Variants in KLF12 observed in about 807,000 individuals in gnomAD.
KLF12 encodes the protein Krueppel-like factor 12.
In KLF12, 9 loss-of-function variants were observed where a neutral mutation model predicts 37.8. The ratio of observed to expected loss-of-function variants is 0.24; its 90% CI spans 0.14 to 0.42. The LOEUF (loss-of-function observed/expected upper bound fraction) is 0.42. Ranked by LOEUF, KLF12 falls within the 10% of genes least tolerant of loss-of-function variation. KLF12 has a pLI of 1.00. For missense variants in KLF12, 411 were observed against 516.0 expected (o/e 0.80, Z 1.97); for synonymous variants, 208 against 202.1 (o/e 1.03, Z -0.25).
rs66701744 is a variant in KLF12, at chr13:73,731,536, C to CAA, written c.870-16013_870-16012dup. On this transcript the variant is annotated intron_variant, in intron 6 of 7. Transcript: ENST00000377669. ...CGGGTCCATGGTAGAGGAAATTAGA[C>CAA]AAAAAAAAAAAAAAAAAGCATAGTT... Among the ~76,000 whole-genome samples, 270 of 103,528 alleles carry CAA rather than the reference C, an allele frequency of 2.6e-3. 23 individuals are homozygous for CAA. Among genetic ancestry groups the CAA allele is most frequent in the African/African-American group, 9.5e-3 (255 of 26,730 alleles). The allele number at this position is 103,528 out of a possible 152,430, so 67.9% of individuals were successfully genotyped here.
At chr13:73,787,677 A>T (rs1030463188) in intron 5 of KLF12, among the ~76,000 whole-genome samples, 3 of 152,116 alleles carry the variant, frequency 2.0e-5, no homozygotes, top group Non-Finnish European at 4.4e-5. Flanking sequence ...GGGGATTGGA[A>T]CTCAAGCATT....
chr13:74,063,070 C>A (rs958141372), intron 1 of KLF12, among the ~76,000 whole-genome samples: 1 of 152,196 alleles, frequency 6.6e-6, no homozygotes, highest in Non-Finnish European at 1.5e-5. Context: ...TCTCTCCGAG[C>A]TTCCTCTGTG....
chr13:73,865,260 A>G (rs900882177), intron 3 of KLF12, among the ~76,000 whole-genome samples: 1 of 152,092 alleles, frequency 6.6e-6, no homozygotes, highest in Non-Finnish European at 1.5e-5. Flanking sequence ...CTTTTTCATG[A>G]GGAGCTTTAT....
intron 1 of KLF12, among the ~76,000 whole-genome samples, chr13:74,117,036 A>C (rs1458000413): frequency 6.6e-6 from 1 of 152,222 alleles, no homozygotes; most frequent in Non-Finnish European, 1.5e-5. Flanking sequence ...AAAATAATGT[A>C]ATAATTTCAA....
At chr13:73,891,787 A>T (rs1246339688) in intron 3 of KLF12, among the ~76,000 whole-genome samples, 1 of 152,112 alleles carries the variant, frequency 6.6e-6, no homozygotes, top group African/African-American at 2.4e-5. Context: ...CAGTTTTCCT[A>T]TAACTTTTAT....
intron 1 of KLF12, among the ~76,000 whole-genome samples, chr13:74,077,484 G>T (rs548512836): frequency 6.6e-6 from 1 of 152,182 alleles, no homozygotes; most frequent in Admixed American, 6.5e-5. Context: ...ATAATTAGGG[G>T]GCAGGGGATG....
chr13:74,292,786 C>A, the KLF12 span, among the ~76,000 whole-genome samples: 1 of 152,148 alleles, frequency 6.6e-6, no homozygotes, highest in Non-Finnish European at 1.5e-5. Context: ...TCCCATAACA[C>A]CATGTTATGC....
At chr13:73,860,525 A>G (rs1885868444) in intron 3 of KLF12, among the ~76,000 whole-genome samples, 1 of 152,160 alleles carries the variant, frequency 6.6e-6, no homozygotes, top group Non-Finnish European at 1.5e-5. Flanking sequence ...GCTCGAGCTC[A>G]GGAGTTTGAG....
chr13:73,859,223 G>A (rs951074796), intron 3 of KLF12, among the ~76,000 whole-genome samples: 5 of 152,158 alleles, frequency 3.3e-5, no homozygotes, highest in Non-Finnish European at 5.9e-5. Flanking sequence ...GGTAGGGAGA[G>A]CTTCTAAGGA....
chr13:74,053,272 C>A (rs1278409515), intron 1 of KLF12, among the ~76,000 whole-genome samples: 3 of 152,142 alleles, frequency 2.0e-5, no homozygotes, highest in Admixed American at 2.0e-4. Context: ...CCTACACATA[C>A]TTTATTTATA....
intron 3 of KLF12, among the ~76,000 whole-genome samples, chr13:73,894,557 C>T (rs1414655404): frequency 2.0e-5 from 3 of 152,200 alleles, no homozygotes; most frequent in Non-Finnish European, 2.9e-5. Context: ...AGCACGCCCA[C>T]TCTACTAAAC....
chr13:73,813,811 G>A (rs1171085258), intron 4 of KLF12, among the ~76,000 whole-genome samples: 1 of 152,172 alleles, frequency 6.6e-6, no homozygotes, highest in Admixed American at 6.5e-5. Flanking sequence ...CTGTTTCCAA[G>A]TTCATTACTA....
intron 3 of KLF12, among the ~76,000 whole-genome samples, chr13:73,886,861 G>A (rs140104914): frequency 0.014 from 2,080 of 151,818 alleles, 45 homozygotes; most frequent in African/African-American, 0.046. Flanking sequence ...GCGTGGTGGC[G>A]CATGCCTGTA....
At chr13:74,072,913 G>C (rs1874356925) in intron 1 of KLF12, among the ~76,000 whole-genome samples, 1 of 152,118 alleles carries the variant, frequency 6.6e-6, no homozygotes, top group African/African-American at 2.4e-5. Context: ...ATCTCATCTT[G>C]CACTATAGTT....
the KLF12 span, among the ~76,000 whole-genome samples, chr13:74,304,855 C>G: frequency 6.6e-6 from 1 of 152,044 alleles, no homozygotes; most frequent in Non-Finnish European, 1.5e-5. Flanking sequence ...ACATCAAGTT[C>G]TACAAGACAA....
intron 1 of KLF12, among the ~76,000 whole-genome samples, chr13:74,040,454 T>C (rs577971490): frequency 1.6e-4 from 25 of 152,292 alleles, no homozygotes; most frequent in Admixed American, 1.0e-3. Flanking sequence ...GCCTGGGACA[T>C]TGGGATTCCA....
chr13:73,845,133 A>G (rs1034542524), intron 4 of KLF12: 1 of 152,224 alleles, frequency 6.6e-6, no homozygotes, highest in African/African-American at 2.4e-5. Flanking sequence ...ATAGTCATGT[A>G]GCAAAGTTAT....
At chr13:74,175,189 C>T in the KLF12 span, among the ~76,000 whole-genome samples, 2 of 152,192 alleles carry the variant, frequency 1.3e-5, no homozygotes, top group African/African-American at 4.8e-5. Flanking sequence ...AAGTTGCATC[C>T]TGTTGGCTGA....
the KLF12 span, among the ~76,000 whole-genome samples, chr13:74,283,873 T>C: frequency 2.0e-5 from 3 of 150,942 alleles, no homozygotes; most frequent in Admixed American, 6.6e-5. Context: ...TTTTTTTTTT[T>C]CCCCAAGATA....
Sources: allele counts gnomAD v4.1 joint callset (sites outside exome capture counted in the v4.1 genomes callset), GRCh38; gene constraint gnomAD v4.1.1; transcripts MANE v1.5; gene names NCBI Gene and HGNC (gene_info 2026-07-23, HGNC 2026-07-21).